SP4: variants seen among roughly 807,000 people sequenced by gnomAD.
SP4 encodes the protein Sp4 transcription factor, also known as transcription factor Sp4.
In SP4, 19 loss-of-function variants were observed where a neutral mutation model predicts 72.8. The ratio of observed to expected loss-of-function variants is 0.26; its 90% CI spans 0.18 to 0.38. SP4 has a LOEUF of 0.38. Among genes scored for constraint, SP4 ranks in the 10% least tolerant of loss-of-function variants. SP4 has a pLI of 1.00. For missense variants in SP4, 1,008 were observed against 926.3 expected, an observed-to-expected ratio of 1.09 and a Z score of -1.14; for synonymous variants, 395 against 333.1, an observed-to-expected ratio of 1.19 and a Z score of -2.02.
chr7:21,468,068 G>T (rs958324490), intron 3 of SP4, among the ~76,000 whole-genome samples: 1 of 152,010 alleles, frequency 6.6e-6, no homozygotes, highest in Non-Finnish European at 1.5e-5. Context: ...TTTACTATAA[G>T]AAAAAACCTT....
At chr7:21,451,202 CCT>C (rs1783587703) in intron 3 of SP4, among the ~76,000 whole-genome samples, 1 of 152,134 alleles carries the variant, frequency 6.6e-6, no homozygotes. Flanking sequence ...CTGCCGTTTG[CCT>C]CTTAGTGTGT....
chr7:21,439,500 C>T (rs1207620175), intron 3 of SP4, among the ~76,000 whole-genome samples: 4 of 151,138 alleles, frequency 2.6e-5, no homozygotes, highest in African/African-American at 9.7e-5. Context: ...TCACACCCTC[C>T]TTTCTTTTCT....
At chr7:21,450,810 C>G (rs1209889445) in intron 3 of SP4, among the ~76,000 whole-genome samples, 1 of 152,088 alleles carries the variant, frequency 6.6e-6, no homozygotes, top group Non-Finnish European at 1.5e-5. Flanking sequence ...TCAGTTCTTG[C>G]CTCCTCAGAA....
chr7:21,462,230 G>A (rs184371302), intron 3 of SP4, among the ~76,000 whole-genome samples: 101 of 151,992 alleles, frequency 6.6e-4, no homozygotes, highest in African/African-American at 2.4e-3. Context: ...TTGCCATGTT[G>A]CCCAAGCTAG....
chr7:21,476,295 AAG>A (rs1470883607), intron 3 of SP4, among the ~76,000 whole-genome samples: 5 of 151,426 alleles, frequency 3.3e-5, no homozygotes, highest in African/African-American at 1.2e-4. Context: ...AAAAAAAAAA[AAG>A]CATTGTATTT....
rs6974283 is a variant in SP4, at chr7:21,461,786, G to A, written c.1679-15293G>A. Among the ~76,000 whole-genome samples, 314 of 152,296 alleles carry A rather than the reference G, an allele frequency of 2.1e-3. 4 individuals are homozygous for A. The highest frequency in any genetic ancestry group is 6.8e-3 in the African/African-American group (284 of 41,574). On this transcript the variant is annotated intron_variant, in intron 3 of 5. Transcript: ENST00000222584. ...GAGAGTGAGCCAGGGCTGCCAGCAC[G>A]CTGTCACCTCTCAATAGGAAGTTGG...
At chr7:21,450,480 C>A (rs1290365981) in intron 3 of SP4, among the ~76,000 whole-genome samples, 8 of 151,762 alleles carry the variant, frequency 5.3e-5, no homozygotes, top group East Asian at 3.9e-4. Flanking sequence ...AGTATTGGAT[C>A]CAGTTTGGTG....
At chr7:21,479,744 A>G (rs1226115180) in intron 4 of SP4, among the ~76,000 whole-genome samples, 2 of 152,118 alleles carry the variant, frequency 1.3e-5, no homozygotes, top group Non-Finnish European at 2.9e-5. Flanking sequence ...ACAATATTAC[A>G]TCTTTTGGTC....
intron 5 of SP4, among the ~76,000 whole-genome samples, chr7:21,508,528 C>T (rs1195335044): frequency 6.6e-6 from 1 of 152,138 alleles, no homozygotes; most frequent in African/African-American, 2.4e-5. Context: ...AGGGTTTCAC[C>T]ATGTTGGCCA....
At chr7:21,472,544 C>T (rs1337334910) in intron 3 of SP4, among the ~76,000 whole-genome samples, 2 of 152,038 alleles carry the variant, frequency 1.3e-5, no homozygotes, top group Admixed American at 6.6e-5. Context: ...CCTCCTGCCT[C>T]GGCCTCCCAA....
chr7:21,511,814 T>C lies in SP4; in HGVS notation c.*545T>C, dbSNP rs1038626035. 27 of 155,030 alleles carry C rather than the reference T, an allele frequency of 1.7e-4. No homozygotes were observed. Among genetic ancestry groups the C allele is most frequent in the African/African-American group, 6.5e-4 (27 of 41,456 alleles). 9.6% of individuals were successfully genotyped at this position (155,030 alleles called of 1,614,324 possible). A position where few individuals can be genotyped will look rare whatever the true frequency, so the allele number is the denominator to read the frequency against. On this transcript the variant is annotated 3_prime_UTR_variant, in exon 6 of 6. Transcript: ENST00000222584. The stretch of plus-strand genomic sequence containing the variant: ...GTTAGAAATTCTTCAACAGTTGAAT[T>C]AGGTAAGTTCCAAAACAGTAATCTG...
At chr7:21,486,042 T>C (rs1784804161) in intron 5 of SP4, among the ~76,000 whole-genome samples, 1 of 152,046 alleles carries the variant, frequency 6.6e-6, no homozygotes, top group African/African-American at 2.4e-5. Flanking sequence ...AAGGATTCTT[T>C]ATTTTCTCTT....
chr7:21,498,515 G>A (rs920907820), intron 5 of SP4, among the ~76,000 whole-genome samples: 1 of 152,094 alleles, frequency 6.6e-6, no homozygotes, highest in Non-Finnish European at 1.5e-5. Flanking sequence ...TGATAGACTG[G>A]GAGTAAGGTA....
chr7:21,453,916 A>T (rs1184511860), intron 3 of SP4, among the ~76,000 whole-genome samples: 1 of 152,178 alleles, frequency 6.6e-6, no homozygotes, highest in East Asian at 1.9e-4. Context: ...ATCCTATCTA[A>T]CTTAAAATAA....
chr7:21,443,786 T>G (rs1246594061), intron 3 of SP4, among the ~76,000 whole-genome samples: 1 of 152,188 alleles, frequency 6.6e-6, no homozygotes. Flanking sequence ...TGACAAGTAC[T>G]AACGGGATTT....
chr7:21,463,733 T>C (rs543499496), intron 3 of SP4, among the ~76,000 whole-genome samples: 1 of 152,352 alleles, frequency 6.6e-6, no homozygotes, highest in Admixed American at 6.5e-5. Flanking sequence ...GTTGTGTCTG[T>C]AGGAGACATC....
At chr7:21,458,200 G>C (rs1446450218) in intron 3 of SP4, among the ~76,000 whole-genome samples, 1 of 151,838 alleles carries the variant, frequency 6.6e-6, no homozygotes, top group Non-Finnish European at 1.5e-5. Flanking sequence ...CTTTTTTTGG[G>C]GGGTGGGGTG....
chr7:21,504,745 C>T (rs1417494674), intron 5 of SP4, among the ~76,000 whole-genome samples: 1 of 152,180 alleles, frequency 6.6e-6, no homozygotes, highest in Non-Finnish European at 1.5e-5. Flanking sequence ...AACTATCTCC[C>T]GGCTTTTGGT....
intron 5 of SP4, among the ~76,000 whole-genome samples, chr7:21,494,965 C>A (rs939594126): frequency 2.1e-4 from 32 of 152,108 alleles, no homozygotes; most frequent in African/African-American, 7.7e-4. Context: ...CCTCCACACA[C>A]AGGGTGCAAA....
Sources: gnomAD v4.1 joint callset for allele counts (sites outside exome capture counted in the v4.1 genomes callset) on GRCh38, gnomAD v4.1.1 for gene constraint, MANE v1.5 for transcripts, NCBI Gene and HGNC (gene_info 2026-07-23, HGNC 2026-07-21) for gene names.